Variants in PRMT8 observed in about 807,000 individuals in gnomAD.
PRMT8 encodes protein arginine N-methyltransferase 8.
Under a neutral mutation model 47.1 loss-of-function variants are expected in PRMT8, and 7 were observed. The observed-to-expected ratio is 0.15, with a 90% CI of 0.08 to 0.28. The LOEUF is 0.28. Among genes scored for constraint, PRMT8 ranks in the 10% least tolerant of loss-of-function variants. The probability of loss-of-function intolerance (pLI) is 1.00; values close to 1 mark genes in which losing one functional copy is unlikely to be tolerated. For missense variants in PRMT8, 237 were observed against 505.4 expected, an observed-to-expected ratio of 0.47 and a Z score of 5.09; for synonymous variants, 188 against 186.5, an observed-to-expected ratio of 1.01 and a Z score of -0.07.
chr12:3,428,575 C>A (rs551354097), intron 1 of PRMT8, among the ~76,000 whole-genome samples: 4 of 152,006 alleles, frequency 2.6e-5, no homozygotes, highest in Non-Finnish European at 5.9e-5. Context: ...TATAGGGTCA[C>A]GGAGAAGACC....
chr12:3,447,124 T>C (rs556815870), intron 1 of PRMT8, among the ~76,000 whole-genome samples: 1 of 152,192 alleles, frequency 6.6e-6, no homozygotes, highest in East Asian at 1.9e-4. Flanking sequence ...ACAGAACCCG[T>C]GCAAAGACCG....
chr12:3,408,889 G>T (rs1864399436), intron 1 of PRMT8, among the ~76,000 whole-genome samples: 1 of 152,236 alleles, frequency 6.6e-6, no homozygotes, highest in Admixed American at 6.5e-5. Context: ...GCAGAAGTTT[G>T]TGGCAGCAGT....
intron 1 of PRMT8, among the ~76,000 whole-genome samples, chr12:3,389,542 G>A (rs1046858275): frequency 1.3e-5 from 2 of 152,132 alleles, no homozygotes; most frequent in African/African-American, 4.8e-5. Context: ...CAGATCCTGT[G>A]CTGGCCTTAA....
At chr12:3,461,949 A>G (rs1258245152) in intron 1 of PRMT8, among the ~76,000 whole-genome samples, 1 of 152,050 alleles carries the variant, frequency 6.6e-6, no homozygotes, top group Non-Finnish European at 1.5e-5. Flanking sequence ...TATACAGATA[A>G]ACTCATGTCA....
intron 1 of PRMT8, among the ~76,000 whole-genome samples, chr12:3,525,677 A>T (rs1226083405): frequency 6.6e-6 from 1 of 152,182 alleles, no homozygotes; most frequent in Non-Finnish European, 1.5e-5. Flanking sequence ...TAAATGCTTA[A>T]AAGTCTTTGA....
At chr12:3,524,642 T>TAAAAAAAAA (rs34644466) in intron 1 of PRMT8, among the ~76,000 whole-genome samples, 3 of 89,294 alleles carry the variant, frequency 3.4e-5, no homozygotes. Flanking sequence ...CAAGACAATC[T>TAAAAAAAAA]AAAAAAAAAA....
At chr12:3,568,584 T>C in intron 4 of PRMT8, 122 bp from the exon 5 acceptor site, 1 of 1,104,116 alleles carries the variant, frequency 9.1e-7, no homozygotes. Flanking sequence ...GTGAGCTACA[T>C]CATATCCTAA....
intron 6 of PRMT8, chr12:3,573,968 T>C (rs1866894367): frequency 6.6e-6 from 1 of 152,060 alleles, no homozygotes; most frequent in African/African-American, 2.4e-5. Flanking sequence ...GGGAAATAAA[T>C]GGCCAGCAGA....
chr12:3,566,328 G>C lies in PRMT8; in HGVS notation c.482-2378G>C, dbSNP rs1438840960. ...CTCTCAGTTGAGTTCCTGCCCTGGG[G>C]TCTCTGAGACCCAGAGAAACTTCAA... On this transcript the variant is annotated intron_variant, in intron 4 of 9. Transcript: ENST00000382622. This position sits in a 1 kb window ranked among gnomAD's most constrained non-coding sequence, Gnocchi z 4.7. Among the ~76,000 whole-genome samples the C allele has an allele frequency of 6.6e-6, 1 of 152,122 alleles. No individual in the cohort carries two copies. Among genetic ancestry groups the C allele is most frequent in the East Asian group, 1.9e-4 (1 of 5,200 alleles).
intron 2 of PRMT8, among the ~76,000 whole-genome samples, chr12:3,548,287 A>G (rs1866360213): frequency 1.3e-5 from 2 of 152,196 alleles, no homozygotes; most frequent in East Asian, 3.8e-4. Context: ...CAAAGATCAG[A>G]CAGGGCACAA....
At position 3,493,476 on chromosome 12, in the gene PRMT8, C is replaced by T. The variant is rs1865456207; in HGVS notation, c.75+1776C>T. On this transcript the variant is annotated intron_variant, in intron 1 of 9. Coordinates refer to ENST00000382622, the MANE Select transcript of PRMT8 (RefSeq NM_019854.5). This position sits in a 1 kb window ranked among gnomAD's most constrained non-coding sequence, Gnocchi z 8.2. Reference sequence around the variant, plus strand: ...AAGGCGCTTCCTCCCTGCATTTCCACCTCACCCCACCCCCGGCTCATTTTT... The same window carrying T: ...AAGGCGCTTCCTCCCTGCATTTCCATCTCACCCCACCCCCGGCTCATTTTT... 6.6e-6 allele frequency among the ~76,000 whole-genome samples: 1 copy of T among 152,228 alleles called. No individual in the cohort carries two copies. Among genetic ancestry groups the T allele is most frequent in the Non-Finnish European group, 1.5e-5 (1 of 68,048 alleles).
At chr12:3,451,031 A>T (rs1283189883) in intron 1 of PRMT8, among the ~76,000 whole-genome samples, 1 of 17,588 alleles carries the variant, frequency 5.7e-5, no homozygotes, top group African/African-American at 2.6e-4. Context: ...GATCTTGCTG[A>T]CACCCCCCCC....
intron 8 of PRMT8, among the ~76,000 whole-genome samples, chr12:3,587,612 A>T (rs972962866): frequency 6.6e-6 from 1 of 152,096 alleles, no homozygotes; most frequent in African/African-American, 2.4e-5. Context: ...CCAGATGAAC[A>T]TTATCCTGAA....
Position 3,508,321 on chromosome 12 carries a change from G to A in PRMT8, c.75+16621G>A, listed in dbSNP as rs16930525. ...TACACGCTTCTGAGTCAGTAGGTGCGTCATGCAGGAGAACATGCTCATATA... is the reference window on the plus strand; with the variant it reads ...TACACGCTTCTGAGTCAGTAGGTGCATCATGCAGGAGAACATGCTCATATA... On this transcript the variant is annotated intron_variant, in intron 1 of 9. Coordinates refer to ENST00000382622, the MANE Select transcript of PRMT8 (RefSeq NM_019854.5). The surrounding 1 kb of genome is among the most constrained non-coding windows in gnomAD (Gnocchi z 4.9). 4.5e-3 allele frequency among the ~76,000 whole-genome samples: 687 copies of A among 152,240 alleles called. No homozygotes were observed. The highest frequency in any genetic ancestry group is 6.6e-3 in the Non-Finnish European group (447 of 68,014).
chr12:3,545,884 C>A (rs1161153535), intron 2 of PRMT8, among the ~76,000 whole-genome samples: 1 of 152,184 alleles, frequency 6.6e-6, no homozygotes, highest in Non-Finnish European at 1.5e-5. Context: ...ATTTTTAGAA[C>A]ATTTCATCCC....
chr12:3,553,812 G>T, intron 4 of PRMT8, 98 bp downstream of exon 4: 4 of 1,165,256 alleles, frequency 3.4e-6, no homozygotes, highest in Non-Finnish European at 5.1e-6. Context: ...CAGAGCACTT[G>T]GACTTGGGGA....
intron 1 of PRMT8, among the ~76,000 whole-genome samples, chr12:3,405,400 C>T (rs936692924): frequency 3.9e-5 from 6 of 152,192 alleles, no homozygotes; most frequent in African/African-American, 1.4e-4. Flanking sequence ...CCTCTGGCTC[C>T]TTCCAAATAT....
In PRMT8 at chr12:3,388,106, G is replaced by A. The variant is rs527644908; in HGVS notation, c.48+6664G>A. 1.4e-3 allele frequency among the ~76,000 whole-genome samples: 177 copies of A among 126,814 alleles called. 1 individual carries two copies. Among genetic ancestry groups the A allele is most frequent in the Non-Finnish European group, 2.4e-3 (150 of 62,702 alleles). The allele number at this position is 126,814 out of a possible 152,430, so 83.2% of individuals were successfully genotyped here. On this transcript the variant is annotated intron_variant, in intron 1 of 9. Transcript: ENST00000452611. Reference sequence around the variant, plus strand: ...CTTTCTCCCCTTTTTCTAAATTCAGGATCTAATTGAGGATCACACATTGCA... The same window carrying A: ...CTTTCTCCCCTTTTTCTAAATTCAGAATCTAATTGAGGATCACACATTGCA...
At chr12:3,410,474 G>A (rs1000042673) in intron 1 of PRMT8, among the ~76,000 whole-genome samples, 1 of 152,104 alleles carries the variant, frequency 6.6e-6, no homozygotes, top group African/African-American at 2.4e-5. Flanking sequence ...CATTTTACTT[G>A]CTTTTCTTTG....
Sources: allele counts gnomAD v4.1 joint callset (sites outside exome capture counted in the v4.1 genomes callset), GRCh38; gene constraint gnomAD v4.1.1; non-coding constraint Gnocchi (gnomAD v3.1); transcripts MANE v1.5; gene names NCBI Gene and HGNC (gene_info 2026-07-23, HGNC 2026-07-21).